Variants in RPH3A observed in about 807,000 individuals in gnomAD.
RPH3A encodes the protein rabphilin 3A, also known as rabphilin-3A.
Under a neutral mutation model 102.2 loss-of-function variants are expected in RPH3A, and 48 were observed. The ratio of observed to expected loss-of-function variants is 0.47; its 90% CI spans 0.37 to 0.60. The LOEUF (loss-of-function observed/expected upper bound fraction) is 0.60, where lower values mean the gene tolerates loss of function less well. RPH3A is among the 20% of genes least tolerant of loss of function. The pLI is 0.00. For synonymous variants in RPH3A, 310 were observed against 324.3 expected (o/e 0.96, Z 0.47); for missense variants, 781 against 910.1 (o/e 0.86, Z 1.83).
intron 1 of RPH3A, among the ~76,000 whole-genome samples, chr12:112,608,078 C>T (rs886943886): frequency 3.3e-5 from 5 of 151,874 alleles, no homozygotes; most frequent in Admixed American, 6.6e-5. Context: ...TTCTCTTACC[C>T]TCATCTTTTA....
chr12:112,665,561 G>A (rs1372846881), intron 1 of RPH3A, among the ~76,000 whole-genome samples: 1 of 152,144 alleles, frequency 6.6e-6, no homozygotes, highest in Non-Finnish European at 1.5e-5. Flanking sequence ...GATTAAATAA[G>A]TAAACCTAGG....
chr12:112,869,439 C>T (rs986309216), intron 8 of RPH3A: 1 of 273,108 alleles, frequency 3.7e-6, no homozygotes, highest in Non-Finnish European at 6.8e-6. Context: ...AAATTGCCAA[C>T]ATATATTGCA....
chr12:112,588,590 A>G (rs1341035458), intron 1 of RPH3A, among the ~76,000 whole-genome samples: 2 of 152,212 alleles, frequency 1.3e-5, no homozygotes, highest in African/African-American at 4.8e-5. Context: ...GCCAAATCAT[A>G]TCAATATATA....
intron 5 of RPH3A, among the ~76,000 whole-genome samples, chr12:112,858,575 A>G (rs1158581241): frequency 6.6e-6 from 1 of 152,170 alleles, no homozygotes; most frequent in Non-Finnish European, 1.5e-5. Flanking sequence ...CTTGTCCTTC[A>G]GGGGACTTAT....
chr12:112,802,779 C>T (rs1049959618), intron 2 of RPH3A, among the ~76,000 whole-genome samples: 2 of 151,024 alleles, frequency 1.3e-5, no homozygotes, highest in Non-Finnish European at 2.9e-5. Context: ...CTGTCCATTC[C>T]CCAGGGCCTC....
At chr12:112,689,633 G>T (rs1286275939) in intron 1 of RPH3A, among the ~76,000 whole-genome samples, 1 of 152,190 alleles carries the variant, frequency 6.6e-6, no homozygotes, top group African/African-American at 2.4e-5. Flanking sequence ...TCTGCAATTT[G>T]AAATAAGTCA....
chr12:112,879,043 T>C, intron 13 of RPH3A, 76 bp from the exon 14 acceptor site: 1 of 1,285,024 alleles, frequency 7.8e-7, no homozygotes, highest in South Asian at 1.3e-5. Context: ...AGCCTGGGCA[T>C]ATAGTAAGTG....
chr12:112,627,807 A>G (rs2039776781), intron 1 of RPH3A, among the ~76,000 whole-genome samples: 2 of 152,164 alleles, frequency 1.3e-5, no homozygotes. Context: ...CCATTCTCAC[A>G]TTACTATAAA....
At chr12:112,662,580 A>T (rs970925136) in intron 1 of RPH3A, among the ~76,000 whole-genome samples, 1 of 152,214 alleles carries the variant, frequency 6.6e-6, no homozygotes, top group Non-Finnish European at 1.5e-5. Flanking sequence ...GGAAGGGGCC[A>T]GTTAGCAATT....
intron 1 of RPH3A, among the ~76,000 whole-genome samples, chr12:112,754,522 G>C (rs367874632): frequency 6.6e-6 from 1 of 152,104 alleles, no homozygotes; most frequent in Non-Finnish European, 1.5e-5. Context: ...GTAGAAATTC[G>C]GTTCAAGGAA....
chr12:112,766,399 C>T (rs2040889077), intron 1 of RPH3A, among the ~76,000 whole-genome samples: 1 of 152,184 alleles, frequency 6.6e-6, no homozygotes, highest in South Asian at 2.1e-4. Context: ...CATGACTCTC[C>T]AGCTCACCTC....
rs537275247 is a variant in RPH3A at position 112,875,683 on chromosome 12, C to T, written c.888C>T (p.Thr296=). The change falls in exon 12 of 22, where the codon ACC becomes ACT. Residue 296 remains threonine (T), a synonymous_variant. Transcript: ENST00000389385. ...TTGTCTCCTCTCCCTGCTCAGGGAC[C>T]CCAGGAGGAAGCAGACCGGGTCCTG... is the stretch of plus-strand genomic sequence containing the variant. ...PAPPQPGQPG[T]PGGSRPGPGP... 6.2e-7 allele frequency: 1 copy of T among 1,613,644 alleles called. No homozygotes were observed. Among genetic ancestry groups the T allele is most frequent in the African/African-American group, 1.3e-5 (1 of 74,990 alleles).
At chr12:112,835,239 C>T (rs539172567) in intron 3 of RPH3A, among the ~76,000 whole-genome samples, 42 of 152,282 alleles carry the variant, frequency 2.8e-4, no homozygotes, top group African/African-American at 9.1e-4. Context: ...TTGCTAGTTT[C>T]CAAAGCCCTT....
chr12:112,625,697 GA>G (rs2039764448), intron 1 of RPH3A, among the ~76,000 whole-genome samples: 1 of 101,486 alleles, frequency 9.9e-6, no homozygotes, highest in African/African-American at 4.1e-5. Flanking sequence ...CACAGAATTG[GA>G]AAAAACTACT....
intron 1 of RPH3A, among the ~76,000 whole-genome samples, chr12:112,664,368 C>T (rs748906190): frequency 9.2e-5 from 14 of 152,022 alleles, no homozygotes; most frequent in Non-Finnish European, 1.8e-4. Context: ...GGTTCTCTCT[C>T]CAGAAAGTAG....
chr12:112,870,127 T>G, intron 10 of RPH3A, 88 bp downstream of exon 10: 5 of 1,348,144 alleles, frequency 3.7e-6, no homozygotes, highest in Non-Finnish European at 5.0e-6. Flanking sequence ...TTCATTTACT[T>G]AGGCAGCATT....
chr12:112,719,252 G>T (rs1047086976), intron 1 of RPH3A, among the ~76,000 whole-genome samples: 1 of 152,134 alleles, frequency 6.6e-6, no homozygotes, highest in African/African-American at 2.4e-5. Flanking sequence ...TATATCTTGA[G>T]ATCTGACACT....
At chr12:112,705,000 T>G (rs1308566059) in intron 1 of RPH3A, among the ~76,000 whole-genome samples, 1 of 152,190 alleles carries the variant, frequency 6.6e-6, no homozygotes, top group Non-Finnish European at 1.5e-5. Flanking sequence ...TTAAATTAGG[T>G]AGTTTGCTTC....
rs183069494 is a variant in RPH3A at position 112,580,698 on chromosome 12, G to A, written c.-140+5379G>A. 1.3e-3 allele frequency among the ~76,000 whole-genome samples: 191 copies of A among 152,180 alleles called. 1 individual carries two copies. The highest frequency in any genetic ancestry group is 4.2e-3 in the African/African-American group (175 of 41,528). On this transcript the variant is annotated intron_variant, in intron 1 of 21. Coordinates refer to the RPH3A transcript ENST00000543106. ...TGGGATTATAGACGTGAGCCACCGCGCCTGGCCTGTCTTGTCTTTTGTATA... is the reference window on the plus strand; with the variant it reads ...TGGGATTATAGACGTGAGCCACCGCACCTGGCCTGTCTTGTCTTTTGTATA...
Sources: allele counts gnomAD v4.1 joint callset (sites outside exome capture counted in the v4.1 genomes callset), GRCh38; gene constraint gnomAD v4.1.1; transcripts MANE v1.5; gene names NCBI Gene and HGNC (gene_info 2026-07-23, HGNC 2026-07-21).